The following VAMP7 variants were observed in gnomAD, a reference collection of about 807,000 sequenced individuals.
VAMP7 encodes the protein vesicle associated membrane protein 7.
VAMP7 carries 14 observed loss-of-function variants against 29.6 expected under a neutral mutation model. The observed-to-expected ratio is 0.47, with a 90% CI of 0.31 to 0.74. VAMP7 has a LOEUF of 0.74. VAMP7 is among the 30% of genes least tolerant of loss of function. The probability of loss-of-function intolerance (pLI) is 0.05; values close to 1 mark genes in which losing one functional copy is unlikely to be tolerated. For missense variants in VAMP7, 223 were observed against 262.4 expected (o/e 0.85, Z 1.04); for synonymous variants, 95 against 88.1 (o/e 1.08, Z -0.44).
At chrX:155,902,764 G>A (rs1301395823) in intron 5 of VAMP7, among the ~76,000 whole-genome samples, 33 of 149,444 alleles carry the variant, frequency 2.2e-4, no homozygotes, top group South Asian at 1.3e-3. Context: ...TGCTGGATTC[G>A]GTTTGCCAGT....
intron 6 of VAMP7, among the ~76,000 whole-genome samples, chrX:155,938,123 AT>A (rs1341628221): frequency 2.0e-5 from 3 of 152,124 alleles, no homozygotes; most frequent in African/African-American, 7.2e-5. Context: ...CTTATTAGAA[AT>A]TTTTTTATTA....
At chrX:155,922,163 A>G in intron 6 of VAMP7, among the ~76,000 whole-genome samples, 1 of 152,116 alleles carries the variant, frequency 6.6e-6, no homozygotes, top group East Asian at 1.9e-4. Flanking sequence ...GTATTCTGCA[A>G]CCTTAGAAAA....
At chrX:155,902,169 TGTCC>T (rs1294138824) in intron 5 of VAMP7, among the ~76,000 whole-genome samples, 2 of 152,048 alleles carry the variant, frequency 1.3e-5, no homozygotes, top group African/African-American at 2.4e-5. Flanking sequence ...TTTGACTCTC[TGTCC>T]GTTATTGGTG....
chrX:155,915,213 C>T (rs781361500), intron 5 of VAMP7, among the ~76,000 whole-genome samples: 1 of 152,212 alleles, frequency 6.6e-6, no homozygotes, highest in South Asian at 2.1e-4. Flanking sequence ...GTGATACCCC[C>T]TTTATCATTT....
At chrX:155,898,332 C>G in intron 4 of VAMP7, 83 bp downstream of exon 4, 5 of 1,509,352 alleles carry the variant, frequency 3.3e-6, no homozygotes, top group Non-Finnish European at 4.5e-6. Context: ...GGGCCCTGAC[C>G]TGCAATATAG....
At chrX:155,897,969 A>G in intron 3 of VAMP7, 143 bp from the exon 4 acceptor site, 2 of 1,058,596 alleles carry the variant, frequency 1.9e-6, no homozygotes, top group Non-Finnish European at 2.6e-6. Context: ...TCCTTTACTT[A>G]TCTTTAAGAT....
At chrX:155,917,184 C>T (rs767460723) in intron 5 of VAMP7, among the ~76,000 whole-genome samples, 3 of 152,266 alleles carry the variant, frequency 2.0e-5, no homozygotes, top group East Asian at 3.9e-4. Context: ...ACAAAGTTCT[C>T]GTGCCGTGTT....
At chrX:155,923,169 G>A (rs2066419551) in intron 6 of VAMP7, among the ~76,000 whole-genome samples, 1 of 151,830 alleles carries the variant, frequency 6.6e-6, no homozygotes, top group Admixed American at 6.6e-5. Context: ...ATACATTGTT[G>A]TTGTTTTTGT....
intron 6 of VAMP7, among the ~76,000 whole-genome samples, chrX:155,932,520 G>T (rs2066576500): frequency 6.6e-6 from 1 of 152,086 alleles, no homozygotes. Context: ...GTCTGTTATT[G>T]GTGTATAAGA....
chrX:155,895,742 A>C, intron 3 of VAMP7, 62 bp downstream of exon 3: 1 of 1,487,414 alleles, frequency 6.7e-7, no homozygotes, highest in East Asian at 2.3e-5. Context: ...GCCAGTTCTT[A>C]ATTATCTATA....
chrX:155,903,454 C>T (rs1259575110), intron 5 of VAMP7, among the ~76,000 whole-genome samples: 1 of 152,092 alleles, frequency 6.6e-6, no homozygotes, highest in African/African-American at 2.4e-5. Context: ...ACAACCTACT[C>T]ATCTGACAAA....
chrX:155,914,347 C>A (rs944658763), intron 5 of VAMP7, among the ~76,000 whole-genome samples: 2 of 152,228 alleles, frequency 1.3e-5, no homozygotes, highest in African/African-American at 4.8e-5. Flanking sequence ...TTTGAATACC[C>A]TTTATTTCTT....
At chrX:155,901,230 C>T (rs757343640) in intron 5 of VAMP7, among the ~76,000 whole-genome samples, 68 of 152,110 alleles carry the variant, frequency 4.5e-4, no homozygotes, top group African/African-American at 1.4e-3. Context: ...AATGCGCAAA[C>T]GTTTTCGTGG....
intron 5 of VAMP7, among the ~76,000 whole-genome samples, chrX:155,919,518 T>G (rs2066363870): frequency 6.6e-6 from 1 of 152,188 alleles, no homozygotes. Context: ...ATGGGTACAT[T>G]CAGTAGTGTA....
chrX:155,894,656 C>G (rs1367332598), intron 2 of VAMP7, among the ~76,000 whole-genome samples: 2 of 152,004 alleles, frequency 1.3e-5, no homozygotes, highest in African/African-American at 4.8e-5. Context: ...CACTTTGTTA[C>G]CCAGGCTGGA....
intron 5 of VAMP7, among the ~76,000 whole-genome samples, chrX:155,910,043 C>T (rs1395981132): frequency 3.3e-5 from 5 of 151,866 alleles, no homozygotes; most frequent in Admixed American, 1.3e-4. Context: ...AGAACTTATT[C>T]CTTCTATCCA....
chrX:155,884,982 C>T (rs183253992), intron 1 of VAMP7, among the ~76,000 whole-genome samples: 7 of 152,278 alleles, frequency 4.6e-5, no homozygotes, highest in South Asian at 2.1e-4. Flanking sequence ...TTGTTTGGAA[C>T]GCTGGATGCA....
chrX:155,918,664 T>C (rs1467269966), intron 5 of VAMP7, among the ~76,000 whole-genome samples: 1 of 152,146 alleles, frequency 6.6e-6, no homozygotes, highest in East Asian at 1.9e-4. Context: ...CCCAATGAGA[T>C]GAGCCGGGTA....
chrX:155,925,708 A>G (rs1046234854), intron 6 of VAMP7, among the ~76,000 whole-genome samples: 1 of 152,174 alleles, frequency 6.6e-6, no homozygotes, highest in Non-Finnish European at 1.5e-5. Context: ...AAATGGTTCT[A>G]TTCTTTTGAG....
Sources: allele counts gnomAD v4.1 joint callset (sites outside exome capture counted in the v4.1 genomes callset), GRCh38; gene constraint gnomAD v4.1.1; transcripts MANE v1.5; gene names NCBI Gene and HGNC (gene_info 2026-07-23, HGNC 2026-07-21).